GYG2: variants seen among roughly 807,000 people sequenced by gnomAD.
The protein encoded by GYG2 is glycogenin 2.
In GYG2, 29 loss-of-function variants were observed where a neutral mutation model predicts 29.4. The ratio of observed to expected loss-of-function variants is 0.99; its 90% CI spans 0.74 to 1.35. The LOEUF (loss-of-function observed/expected upper bound fraction) is 1.35, where lower values mean the gene tolerates loss of function less well. Ranked by LOEUF, GYG2 falls within the 40% of genes most tolerant of loss-of-function variation. GYG2 has a pLI of 0.00. For missense variants in GYG2, 370 were observed against 385.7 expected (o/e 0.96, Z 0.34); for synonymous variants, 167 against 172.3 (o/e 0.97, Z 0.24).
intron 8 of GYG2, among the ~76,000 whole-genome samples, chrX:2,868,848 C>G (rs181769061): frequency 1.6e-3 from 178 of 111,310 alleles, no homozygotes; most frequent in African/African-American, 5.6e-3. Context: ...CAAAACAAAA[C>G]AAAACTCTTT....
rs186922598 is a variant in GYG2, at chrX:2,850,929, C to T, written c.150-3051C>T. 3.3e-3 allele frequency among the ~76,000 whole-genome samples: 365 copies of T among 110,604 alleles called. 2 individuals are homozygous for T. The highest frequency in any genetic ancestry group is 0.011 in the African/African-American group (343 of 30,413). On this transcript the variant is annotated intron_variant, in intron 3 of 10. Transcript: ENST00000398806. The stretch of plus-strand genomic sequence containing the variant: ...CTGTTTGGTGGTCTCTTCACACGGA[C>T]GGGAGTGAAAACTGAAGAAATAGAA...
intron 7 of GYG2, among the ~76,000 whole-genome samples, chrX:2,860,878 T>C (rs1210412644): frequency 5.4e-5 from 6 of 110,349 alleles, no homozygotes; most frequent in African/African-American, 2.0e-4. Flanking sequence ...TACAGGTGCC[T>C]ACCACCACGC....
At chrX:2,869,777 G>A (rs1424239301) in intron 8 of GYG2, among the ~76,000 whole-genome samples, 1 of 111,333 alleles carries the variant, frequency 9.0e-6, no homozygotes, top group Non-Finnish European at 1.9e-5. Flanking sequence ...CAGGTAGCTG[G>A]GACTACAGGA....
chrX:2,871,689 C>CAAATAAAT (rs200105400), intron 8 of GYG2, among the ~76,000 whole-genome samples: 113 of 99,995 alleles, frequency 1.1e-3, no homozygotes, highest in South Asian at 5.3e-3. Flanking sequence ...GACTCCGTCT[C>CAAATAAAT]AAATAAATAA....
intron 8 of GYG2, among the ~76,000 whole-genome samples, chrX:2,872,726 A>G (rs1464205803): frequency 1.8e-5 from 2 of 111,876 alleles, no homozygotes; most frequent in African/African-American, 6.5e-5. Flanking sequence ...ATCCATTTCC[A>G]GGAATGGTTT....
chrX:2,845,155 G>A (rs139804425), intron 3 of GYG2, among the ~76,000 whole-genome samples: 14,950 of 15,734 alleles, frequency 0.95, 6,247 homozygotes, highest in Middle Eastern at 1. Context: ...TTATATACAC[G>A]TGTGTATGTA....
At chrX:2,850,857 C>T (rs750331872) in intron 3 of GYG2, among the ~76,000 whole-genome samples, 108 of 110,457 alleles carry the variant, frequency 9.8e-4, no homozygotes, top group African/African-American at 3.4e-3. Context: ...CGGACTCAGC[C>T]CACCTGCACC....
intron 8 of GYG2, among the ~76,000 whole-genome samples, chrX:2,862,481 G>A (rs764082416): frequency 6.1e-4 from 68 of 110,939 alleles, no homozygotes; most frequent in South Asian, 1.9e-3. Context: ...GGAGGCTTCC[G>A]TCAGTGCCCC....
Position 2,837,087 on chromosome X carries a change from C to T in GYG2, c.8-6126C>T, listed in dbSNP as rs187742478. 2.5e-4 allele frequency among the ~76,000 whole-genome samples: 28 copies of T among 111,756 alleles called. No individual in the cohort carries two copies. The East Asian group carries it at 6.8e-3, about 27-fold the overall frequency. ...TGGGATTGGAGGCAAGTGGACTTCT[C>T]CTTACCCCAGAATTCATGTCATAAA... On this transcript the variant is annotated intron_variant, in intron 2 of 10. Transcript: ENST00000398806.
At chrX:2,851,800 T>C (rs1301364207) in intron 3 of GYG2, among the ~76,000 whole-genome samples, 2 of 112,194 alleles carry the variant, frequency 1.8e-5, no homozygotes, top group Non-Finnish European at 3.7e-5. Flanking sequence ...ACAAACAGCC[T>C]GTTTCTTCTC....
At chrX:2,861,453 C>T (rs1366451601) in intron 7 of GYG2, 69 bp from the exon 8 acceptor site, 3 of 877,999 alleles carry the variant, frequency 3.4e-6, no homozygotes, top group East Asian at 3.2e-5. Context: ...GCCCCACCCG[C>T]CCCCCAGGAC....
chrX:2,832,537 C>T (rs374400002), intron 2 of GYG2, among the ~76,000 whole-genome samples: 5 of 110,937 alleles, frequency 4.5e-5, no homozygotes, highest in Non-Finnish European at 9.5e-5. Flanking sequence ...GTGTCCTAAT[C>T]GCCTCTTTTT....
intron 4 of GYG2, 96 bp downstream of exon 4, chrX:2,854,250 G>T: frequency 3.5e-6 from 2 of 564,552 alleles, no homozygotes; most frequent in Admixed American, 3.4e-5. Flanking sequence ...GTGTGACACA[G>T]TCGCTCTGTC....
intron 8 of GYG2, 43 bp downstream of exon 8, chrX:2,861,765 G>A: frequency 9.9e-7 from 1 of 1,010,402 alleles, no homozygotes. Flanking sequence ...TCAGACGCTG[G>A]CTCGCAGTGA....
At position 2,859,878 on chromosome X, in the gene GYG2, G is replaced by T; in HGVS notation, c.650G>T (p.Gly217Val). The change falls in exon 7 of 11, where the codon GGG becomes GTG. Residue 217 changes from glycine to valine, a missense_variant. Physicochemically the swap from Gly to Val is moderately radical, Grantham distance 109 (BLOSUM62 -3). Coordinates refer to ENST00000398806, the MANE Select transcript of GYG2 (RefSeq NM_001079855.2). Reference protein sequence around the residue: ...GSSAKVVHFLGSMKPWNYKYN... With the variant: ...GSSAKVVHFLVSMKPWNYKYN... Reference sequence around the variant, plus strand: ...AGTGCAAAGGTCGTCCACTTTTTGGGGTCCATGAAACCTTGGAACTACAAG... The same window carrying T: ...AGTGCAAAGGTCGTCCACTTTTTGGTGTCCATGAAACCTTGGAACTACAAG... The T allele has an allele frequency of 8.3e-7, 1 of 1,204,258 alleles. No individual in the cohort carries two copies. Among genetic ancestry groups the T allele is most frequent in the South Asian group, 1.8e-5 (1 of 56,405 alleles).
chrX:2,877,290 C>A lies in GYG2; in HGVS notation c.1234C>A (p.Leu412Met), dbSNP rs768138589. The A allele has an allele frequency of 1.3e-5, 16 of 1,208,413 alleles. No homozygotes were observed. The South Asian group carries it at 2.8e-4, about 21-fold the overall frequency. The part of the protein sequence containing the change: ...LPAEALRDPS[L>M]QDALEVDLAV... Reference sequence around the variant, plus strand: ...TGCTGAGGCTCTCAGGGACCCCAGTCTGCAGGATGCACTGGAGGTGGTATC... The same window carrying A: ...TGCTGAGGCTCTCAGGGACCCCAGTATGCAGGATGCACTGGAGGTGGTATC... Residue 412 changes from leucine to methionine, a missense_variant, in exon 10 of 11, where the codon CTG becomes ATG. Physicochemically the swap from Leu to Met is conservative, Grantham distance 15. Coordinates refer to ENST00000398806, the MANE Select transcript of GYG2 (RefSeq NM_001079855.2).
At position 2,837,754 on chromosome X, in the gene GYG2, CA is replaced by C. The variant is rs762173307; in HGVS notation, c.8-5458del. Among the ~76,000 whole-genome samples the C allele has an allele frequency of 1.4e-4, 16 of 110,814 alleles. No individual in the cohort carries two copies. In the East Asian group the frequency reaches 3.7e-3, roughly 25 times the overall value. On this transcript the variant is annotated intron_variant, in intron 2 of 10. Transcript: ENST00000398806. ...AAATGGCACTTTATTTTCAGTTTGA[CA>C]TTACTTTGCTGATGATTCTTTTCAT...
chrX:2,847,101 C>T (rs1285104052), intron 3 of GYG2, among the ~76,000 whole-genome samples: 1 of 111,678 alleles, frequency 9.0e-6, no homozygotes, highest in East Asian at 2.8e-4. Context: ...CATAAACTGT[C>T]ACAGAGCCTA....
chrX:2,833,187 T>A (rs1312190771), intron 2 of GYG2, among the ~76,000 whole-genome samples: 5 of 111,180 alleles, frequency 4.5e-5, no homozygotes, highest in Admixed American at 9.6e-5. Context: ...TCTCCTTGGC[T>A]TGTAGATGTT....
Sources: gnomAD v4.1 joint callset for allele counts (sites outside exome capture counted in the v4.1 genomes callset) on GRCh38, gnomAD v4.1.1 for gene constraint, MANE v1.5 for transcripts, NCBI Gene and HGNC (gene_info 2026-07-23, HGNC 2026-07-21) for gene names.